AK2: variants seen among roughly 807,000 people sequenced by gnomAD.
The protein encoded by AK2 is adenylate kinase 2, mitochondrial.
A neutral mutation model predicts 24.6 loss-of-function variants in AK2; 15 were observed. That is an observed-to-expected ratio of 0.61 (90% CI 0.41 to 0.94). The LOEUF is 0.94. Among genes scored for constraint, AK2 ranks in the 40% least tolerant of loss-of-function variants. The pLI, the probability that AK2 is intolerant of heterozygous loss-of-function variation, is 0.00. For synonymous variants in AK2, 102 were observed against 114.0 expected, an observed-to-expected ratio of 0.90 and a Z score of 0.67; for missense variants, 257 against 304.1, an observed-to-expected ratio of 0.85 and a Z score of 1.15.
intron 1 of AK2, among the ~76,000 whole-genome samples, chr1:33,034,333 C>G (rs926281517): frequency 1.3e-5 from 2 of 151,942 alleles, no homozygotes; most frequent in Non-Finnish European, 2.9e-5. Context: ...ATGTCTTACA[C>G]TGAAACATCC....
Position 33,012,332 on chromosome 1 carries a change from T to C in AK2, c.*849A>G. ...TGTAACCTGCAAAGTAAGTGCCTTT[T>C]TCCTTCCACCTAGGGGGAAAAAATT... is the stretch of plus-strand genomic sequence containing the variant. On this transcript the variant is annotated 3_prime_UTR_variant, in exon 6 of 6. Transcript: ENST00000672715. The C allele has an allele frequency of 1.3e-6, 2 of 1,531,128 alleles. No individual in the cohort carries two copies. The highest frequency in any genetic ancestry group is 1.7e-6 in the Non-Finnish European group (2 of 1,145,580). The allele number at this position is 1,531,128 out of a possible 1,614,324, so 94.8% of individuals were successfully genotyped here. A position where few individuals can be genotyped will look rare whatever the true frequency, so the allele number is the denominator to read the frequency against.
rs528042115 is a variant in AK2 at position 33,023,676 on chromosome 1, C to T, written c.219+766G>A. On this transcript the variant is annotated intron_variant, in intron 2 of 5. Coordinates refer to ENST00000672715, the MANE Select transcript of AK2 (RefSeq NM_001625.4). Reference sequence around the variant, plus strand: ...TTGTTACAGAAACAGCACACAGAGCCATAAAGCAGGTTAAAAAACACTTCT... The same window carrying T: ...TTGTTACAGAAACAGCACACAGAGCTATAAAGCAGGTTAAAAAACACTTCT... Among the ~76,000 whole-genome samples, 5 of 152,290 alleles carry T rather than the reference C, an allele frequency of 3.3e-5. No individual in the cohort carries two copies. In the East Asian group the frequency reaches 9.6e-4, roughly 29 times the overall value.
At chr1:33,035,355 T>C (rs902183667) in intron 1 of AK2, among the ~76,000 whole-genome samples, 2 of 152,212 alleles carry the variant, frequency 1.3e-5, no homozygotes, top group Non-Finnish European at 2.9e-5. Flanking sequence ...GTGACATTCA[T>C]CCACTTCCAC....
At position 33,010,784 on chromosome 1, in the gene AK2, C is replaced by T. The variant is rs76881767; in HGVS notation, c.*2397G>A. 2.2e-5 allele frequency: 35 copies of T among 1,561,142 alleles called. No homozygotes were observed. The East Asian group carries it at 4.7e-4, about 21-fold the overall frequency. ...CAGCACCTAAGAGCAGGGATCACGC[C>T]GCGGGGTGATGAGCAGTGTTGCAGT... On this transcript the variant is annotated 3_prime_UTR_variant, in exon 6 of 6. Transcript: ENST00000672715.
intron 1 of AK2, among the ~76,000 whole-genome samples, chr1:33,033,045 C>T (rs767292953): frequency 1.3e-5 from 2 of 151,974 alleles, no homozygotes; most frequent in Non-Finnish European, 2.9e-5. Flanking sequence ...CACCTGTAGT[C>T]CCAGCTACTC....
chr1:33,013,072 T>C lies in AK2; in HGVS notation c.*109A>G. On this transcript the variant is annotated 3_prime_UTR_variant, in exon 6 of 6. Transcript: ENST00000672715. ...ATCAAGCAAGTGCTTTTTTAATCAA[T>C]ACATCAAATGATATTTTTGCTAGCC... The C allele has an allele frequency of 3.1e-6, 5 of 1,607,296 alleles. No homozygotes were observed. The highest frequency in any genetic ancestry group is 3.4e-6 in the Non-Finnish European group (4 of 1,179,698).
intron 2 of AK2, among the ~76,000 whole-genome samples, chr1:33,023,628 GT>G (rs1390062773): frequency 6.6e-6 from 1 of 152,106 alleles, no homozygotes; most frequent in Non-Finnish European, 1.5e-5. Flanking sequence ...GATTACCTTT[GT>G]CACAACTGCG....
In AK2 at chr1:33,010,140, G is replaced by A. The variant is rs1447667557; in HGVS notation, c.*3041C>T. ...ACACAGTGCAGATAAAAGAAGGCAA[G>A]AGCATAGGATTGTGGCATGTGCTGG... On this transcript the variant is annotated 3_prime_UTR_variant, in exon 6 of 6. Coordinates refer to ENST00000672715, the MANE Select transcript of AK2 (RefSeq NM_001625.4). The A allele has an allele frequency of 2.2e-6, 1 of 454,204 alleles. No individual in the cohort carries two copies. The allele number at this position is 454,204 out of a possible 1,614,324, so 28.1% of individuals were successfully genotyped here.
Position 33,009,202 on chromosome 1 carries a change from C to T in AK2, c.*3979G>A, listed in dbSNP as rs1331683890. Reference sequence around the variant, plus strand: ...GAATAGTGGTGCTTCCAGCCCAGCTCCCTCTTGTTTTGGGAACAACAGTCA... The same window carrying T: ...GAATAGTGGTGCTTCCAGCCCAGCTTCCTCTTGTTTTGGGAACAACAGTCA... On this transcript the variant is annotated 3_prime_UTR_variant, in exon 6 of 6. Coordinates refer to ENST00000672715, the MANE Select transcript of AK2 (RefSeq NM_001625.4). The T allele has an allele frequency of 2.2e-6, 1 of 453,594 alleles. No homozygotes were observed. The highest frequency in any genetic ancestry group is 2.0e-5 in the African/African-American group (1 of 49,934). 28.1% of individuals were successfully genotyped at this position (453,594 alleles called of 1,614,324 possible). A position where few individuals can be genotyped will look rare whatever the true frequency, so the allele number is the denominator to read the frequency against.
Position 33,012,366 on chromosome 1 carries a change from C to T in AK2, c.*815G>A. ...CCTAGGGGGAAAAAATTAATGATCC[C>T]TGTTCACACACTGACTCACGTGGGT... On this transcript the variant is annotated 3_prime_UTR_variant, in exon 6 of 6. Transcript: ENST00000672715. The T allele has an allele frequency of 6.6e-7, 1 of 1,525,658 alleles. No homozygotes were observed. The highest frequency in any genetic ancestry group is 8.8e-7 in the Non-Finnish European group (1 of 1,142,306). 94.5% of individuals were successfully genotyped at this position (1,525,658 alleles called of 1,614,324 possible). A position where few individuals can be genotyped will look rare whatever the true frequency, so the allele number is the denominator to read the frequency against.
intron 1 of AK2, among the ~76,000 whole-genome samples, chr1:33,035,406 G>C (rs564628386): frequency 6.6e-6 from 1 of 152,210 alleles, no homozygotes; most frequent in Non-Finnish European, 1.5e-5. Context: ...GGTGCCACAA[G>C]GGGTACCAAG....
intron 1 of AK2, among the ~76,000 whole-genome samples, chr1:33,032,747 T>C (rs1429697777): frequency 6.6e-6 from 1 of 152,122 alleles, no homozygotes; most frequent in African/African-American, 2.4e-5. Context: ...ATTAAGTATA[T>C]ACTAATTAAG....
chr1:33,035,231 G>GA (rs1297981195), intron 1 of AK2, among the ~76,000 whole-genome samples: 1 of 152,158 alleles, frequency 6.6e-6, no homozygotes, highest in African/African-American at 2.4e-5. Flanking sequence ...CTCCAAAGAA[G>GA]AATCATCTCA....
Position 33,011,878 on chromosome 1 carries a change from T to C in AK2, c.*1303A>G, listed in dbSNP as rs1240127514. On this transcript the variant is annotated 3_prime_UTR_variant, in exon 6 of 6. Coordinates refer to ENST00000672715, the MANE Select transcript of AK2 (RefSeq NM_001625.4). ...TCCATGGCTATAGCCATCATAAAATTAGGGGTGAAGGGTTGGATCTAGAAA... is the reference window on the plus strand; with the variant it reads ...TCCATGGCTATAGCCATCATAAAATCAGGGGTGAAGGGTTGGATCTAGAAA... 6.5e-7 allele frequency: 1 copy of C among 1,528,648 alleles called. No homozygotes were observed. Among genetic ancestry groups the C allele is most frequent in the Admixed American group, 2.0e-5 (1 of 50,846 alleles). 94.7% of individuals were successfully genotyped at this position (1,528,648 alleles called of 1,614,324 possible).
intron 1 of AK2, among the ~76,000 whole-genome samples, chr1:33,033,924 G>T (rs3766811): frequency 7.3e-5 from 11 of 151,704 alleles, no homozygotes; most frequent in African/African-American, 2.7e-4. Context: ...CCCAGGCTGG[G>T]GCGCAATGGT....
At chr1:33,014,162 C>A (rs1408905431) in intron 5 of AK2, among the ~76,000 whole-genome samples, 1 of 152,086 alleles carries the variant, frequency 6.6e-6, no homozygotes, top group Admixed American at 6.5e-5. Context: ...CTCTTCAGTG[C>A]CACACTCTTC....
chr1:33,017,686 C>G (rs1157588594), intron 4 of AK2, among the ~76,000 whole-genome samples: 1 of 152,202 alleles, frequency 6.6e-6, no homozygotes, highest in Non-Finnish European at 1.5e-5. Context: ...GCTCCATGAG[C>G]CACTGAGCGT....
At chr1:33,028,808 A>C (rs992233121) in intron 1 of AK2, among the ~76,000 whole-genome samples, 1 of 152,166 alleles carries the variant, frequency 6.6e-6, no homozygotes, top group African/African-American at 2.4e-5. Context: ...ATTTCAGTGT[A>C]TTATCAATCA....
intron 2 of AK2, 53 bp from the exon 3 acceptor site, chr1:33,021,756 T>A: frequency 3.6e-6 from 5 of 1,407,612 alleles, no homozygotes; most frequent in Non-Finnish European, 4.0e-6. Context: ...CCTAGGTGAC[T>A]GACATTAGCC....
Sources: allele counts gnomAD v4.1 joint callset (sites outside exome capture counted in the v4.1 genomes callset), GRCh38; gene constraint gnomAD v4.1.1; transcripts MANE v1.5; gene names NCBI Gene and HGNC (gene_info 2026-07-23, HGNC 2026-07-21).